Variants in SP140L observed in about 807,000 individuals in gnomAD.
SP140L encodes SP140 like nuclear body protein.
Under a neutral mutation model 84.3 loss-of-function variants are expected in SP140L, and 64 were observed. The observed-to-expected ratio is 0.76, with a 90% CI of 0.62 to 0.94. The LOEUF (loss-of-function observed/expected upper bound fraction) is 0.94. Ranked by LOEUF, SP140L falls within the 40% of genes least tolerant of loss-of-function variation. SP140L has a pLI of 0.00. For missense variants in SP140L, 628 were observed against 692.5 expected, an observed-to-expected ratio of 0.91 and a Z score of 1.05; for synonymous variants, 242 against 236.9, an observed-to-expected ratio of 1.02 and a Z score of -0.20.
chr2:230,374,214 G>A (rs965427178), intron 7 of SP140L, among the ~76,000 whole-genome samples: 1 of 151,988 alleles, frequency 6.6e-6, no homozygotes, highest in Non-Finnish European at 1.5e-5. Context: ...TAGTTAGGAG[G>A]CTGAGGCAGG....
intron 5 of SP140L, among the ~76,000 whole-genome samples, chr2:230,366,269 A>G (rs2060866147): frequency 6.6e-6 from 1 of 152,104 alleles, no homozygotes; most frequent in Non-Finnish European, 1.5e-5. Flanking sequence ...AAATCTATTA[A>G]TATTTATTTA....
chr2:230,388,772 A>C (rs1260681085), intron 10 of SP140L, 139 bp downstream of exon 10: 1 of 759,364 alleles, frequency 1.3e-6, no homozygotes, highest in Non-Finnish European at 1.9e-6. Flanking sequence ...TATCTTATTA[A>C]GTCATTTTCC....
intron 7 of SP140L, among the ~76,000 whole-genome samples, chr2:230,376,991 T>C (rs2061260376): frequency 6.6e-6 from 1 of 152,240 alleles, no homozygotes; most frequent in South Asian, 2.1e-4. Context: ...TTTTCATTTT[T>C]CTTATCTGCT....
At chr2:230,353,233 G>T (rs1195665772) in intron 2 of SP140L, among the ~76,000 whole-genome samples, 1 of 151,858 alleles carries the variant, frequency 6.6e-6, no homozygotes, top group South Asian at 2.1e-4. Flanking sequence ...AACACAGTGT[G>T]TTTTGTTTTG....
At chr2:230,355,298 C>G (rs1237023050) in intron 2 of SP140L, among the ~76,000 whole-genome samples, 1 of 152,118 alleles carries the variant, frequency 6.6e-6, no homozygotes, top group South Asian at 2.1e-4. Context: ...CCAATCATAT[C>G]TCCTACAATG....
chr2:230,329,938 C>T (rs1233980488), intron 2 of SP140L, among the ~76,000 whole-genome samples: 4 of 152,146 alleles, frequency 2.6e-5, no homozygotes, highest in African/African-American at 7.2e-5. Context: ...ACATTTTGTT[C>T]ATTTCTCGTT....
intron 1 of SP140L, among the ~76,000 whole-genome samples, chr2:230,328,062 T>G (rs2059628945): frequency 6.6e-6 from 1 of 152,230 alleles, no homozygotes; most frequent in Non-Finnish European, 1.5e-5. Context: ...CTTTTTATTT[T>G]ATTTCATTTT....
chr2:230,378,755 C>T (rs1368280093), intron 7 of SP140L, among the ~76,000 whole-genome samples: 1 of 152,148 alleles, frequency 6.6e-6, no homozygotes, highest in African/African-American at 2.4e-5. Flanking sequence ...GAATAATGTA[C>T]ATTTGAGCTA....
intron 2 of SP140L, among the ~76,000 whole-genome samples, chr2:230,349,410 G>A (rs2149711103): frequency 6.6e-6 from 1 of 152,230 alleles, no homozygotes; most frequent in Non-Finnish European, 1.5e-5. Context: ...AAAGCCATTT[G>A]GAATTTTGAT....
chr2:230,334,797 A>T (rs1220456636), intron 2 of SP140L, among the ~76,000 whole-genome samples: 2 of 152,112 alleles, frequency 1.3e-5, no homozygotes, highest in African/African-American at 2.4e-5. Flanking sequence ...CCATTAAATG[A>T]TTTGAAACCA....
intron 11 of SP140L, 65 bp downstream of exon 11, chr2:230,390,088 T>C: frequency 7.0e-7 from 1 of 1,438,390 alleles, no homozygotes; most frequent in Non-Finnish European, 9.7e-7. Flanking sequence ...AGTGGTGAAA[T>C]TATTTGTGTG....
intron 13 of SP140L, among the ~76,000 whole-genome samples, chr2:230,395,040 G>A (rs551492500): frequency 4.7e-5 from 7 of 149,774 alleles, no homozygotes; most frequent in South Asian, 2.1e-4. Context: ...ACTGGAGTGC[G>A]GTGGAGCAAT....
intron 9 of SP140L, among the ~76,000 whole-genome samples, chr2:230,387,096 T>C (rs2061615025): frequency 6.6e-6 from 1 of 152,160 alleles, no homozygotes; most frequent in African/African-American, 2.4e-5. Flanking sequence ...CACACCTGTG[T>C]GGCTGATGTT....
Position 230,352,493 on chromosome 2 carries a change from C to T in SP140L, c.108-5312C>T, listed in dbSNP as rs560722945. ...GTTACACTTTTAAATAATCAGATCT[C>T]ATGAGAACTCACTATCATGAGAACA... On this transcript the variant is annotated intron_variant, in intron 2 of 18. Transcript: ENST00000415673. Among the ~76,000 whole-genome samples the T allele has an allele frequency of 8.5e-5, 13 of 152,096 alleles. No individual in the cohort carries two copies. The East Asian group carries it at 1.5e-3, about 18-fold the overall frequency.
chr2:230,383,812 CTCAGTATGACTTTCT>C (rs2061483618), intron 8 of SP140L, among the ~76,000 whole-genome samples: 1 of 152,130 alleles, frequency 6.6e-6, no homozygotes, highest in Non-Finnish European at 1.5e-5. Context: ...TCTTATCATC[CTCAGTATGACTTTCT>C]TCAGTAGCTC....
chr2:230,361,600 C>T lies in SP140L; in HGVS notation c.440-14C>T. 6.4e-7 allele frequency: 1 copy of T among 1,551,190 alleles called. No homozygotes were observed. Among genetic ancestry groups the T allele is most frequent in the Non-Finnish European group, 8.7e-7 (1 of 1,145,104 alleles). ...CAGATCTTTAATTGCTTTCTTCTCT[C>T]TCCCACTCTTCAGCAATCCAAGACA... On this transcript the variant is annotated splice_polypyrimidine_tract_variant and intron_variant, in intron 4 of 18. Transcript: ENST00000415673.
rs1339440867 is a variant in SP140L at position 230,328,794 on chromosome 2, A to T, written c.70A>T (p.Met24Leu). ...AGGTGTTTCACAAGTAGCAAATGAG[A>T]TGAACCATCTTCCTGCACACAGCCA... ...NGGVSQVANE[M>L]NHLPAHSQSL... The change falls in exon 2 of 19, where the codon ATG (methionine) becomes TTG (leucine). Residue 24 changes from methionine to leucine, a missense_variant. Coordinates refer to ENST00000415673, the MANE Select transcript of SP140L (RefSeq NM_138402.6). The T allele has an allele frequency of 6.2e-7, 1 of 1,612,688 alleles. No homozygotes were observed. Among genetic ancestry groups the T allele is most frequent in the African/African-American group, 1.3e-5 (1 of 74,932 alleles).
intron 7 of SP140L, among the ~76,000 whole-genome samples, chr2:230,377,330 T>C (rs1254938032): frequency 6.6e-6 from 1 of 152,202 alleles, no homozygotes; most frequent in African/African-American, 2.4e-5. Flanking sequence ...TTTTTTTAAA[T>C]GCTGATCTGT....
intron 6 of SP140L, 122 bp from the exon 7 acceptor site, chr2:230,371,476 A>G (rs2149766533): frequency 1.1e-6 from 1 of 938,986 alleles, no homozygotes. Flanking sequence ...TCTAGAAGAA[A>G]GAGAGAAATG....
Sources: allele counts gnomAD v4.1 joint callset (sites outside exome capture counted in the v4.1 genomes callset), GRCh38; gene constraint gnomAD v4.1.1; transcripts MANE v1.5; gene names NCBI Gene and HGNC (gene_info 2026-07-23, HGNC 2026-07-21).